REV1: variants seen among roughly 807,000 people sequenced by gnomAD.
REV1 encodes the protein REV1 DNA directed polymerase.
In REV1, 42 loss-of-function variants were observed where a neutral mutation model predicts 137.4. The ratio of observed to expected loss-of-function variants is 0.31; its 90% CI spans 0.24 to 0.40. The LOEUF is 0.40. REV1 is among the 10% of genes least tolerant of loss of function. REV1 has a pLI of 1.00. For missense variants in REV1, 1,282 were observed against 1,490.1 expected, an observed-to-expected ratio of 0.86 and a Z score of 2.30; for synonymous variants, 524 against 519.2, an observed-to-expected ratio of 1.01 and a Z score of -0.12.
At chr2:99,478,165 G>A (rs1291663406) in intron 1 of REV1, among the ~76,000 whole-genome samples, 1 of 152,130 alleles carries the variant, frequency 6.6e-6, no homozygotes, top group Non-Finnish European at 1.5e-5. Flanking sequence ...AAACCCGGGA[G>A]GCAGAGGTTG....
chr2:99,401,437 C>G, intron 22 of REV1, 85 bp from the exon 23 acceptor site: 3 of 806,812 alleles, frequency 3.7e-6, no homozygotes. Context: ...TAAAAATTGA[C>G]TTTGGCAAAA....
chr2:99,403,657 T>A (rs190317640), intron 19 of REV1, 38 bp downstream of exon 19: 1 of 1,613,834 alleles, frequency 6.2e-7, no homozygotes, highest in East Asian at 2.2e-5. Context: ...CATTACTCTT[T>A]GTCTTCATTT....
intron 7 of REV1, chr2:99,435,594 T>G (rs781214914): frequency 3.4e-6 from 1 of 296,110 alleles, no homozygotes; most frequent in Non-Finnish European, 6.1e-6. Flanking sequence ...CCTGCCTACA[T>G]TAGTCTTCGA....
chr2:99,430,727 T>A (rs574663004), intron 8 of REV1, among the ~76,000 whole-genome samples: 1 of 152,320 alleles, frequency 6.6e-6, no homozygotes, highest in South Asian at 2.1e-4. Flanking sequence ...CTGGAGAGCC[T>A]ACTGGCTGCA....
At chr2:99,467,742 A>G (rs1174725902) in intron 1 of REV1, among the ~76,000 whole-genome samples, 1 of 152,236 alleles carries the variant, frequency 6.6e-6, no homozygotes, top group Non-Finnish European at 1.5e-5. Flanking sequence ...TCAATCTCTG[A>G]AAACAGATTA....
At chr2:99,480,091 G>A (rs1487234893) in intron 1 of REV1, among the ~76,000 whole-genome samples, 3 of 152,164 alleles carry the variant, frequency 2.0e-5, no homozygotes, top group Non-Finnish European at 2.9e-5. Flanking sequence ...GGTTACGGCA[G>A]GAGGACTGCT....
chr2:99,438,955 C>G lies in REV1; in HGVS notation c.859G>C (p.Asp287His). The G allele has an allele frequency of 6.2e-7, 1 of 1,614,234 alleles. No individual in the cohort carries two copies. The highest frequency in any genetic ancestry group is 8.5e-7 in the Non-Finnish European group (1 of 1,180,038). The change falls in exon 6 of 23, where the codon GAT (aspartate) becomes CAT (histidine). Residue 287 changes from aspartate (D) to histidine (H), a missense_variant. Transcript: ENST00000258428. ...QQLQQSTRNT[D>H]ALRNPHRTNS... ...GTTCTGTGTGGATTCCGCAAAGCAT[C>G]TGTGTTTCTGGTGCTTTGCTGCAAC...
chr2:99,420,606 C>T (rs1305053528), intron 11 of REV1, among the ~76,000 whole-genome samples: 1 of 152,210 alleles, frequency 6.6e-6, no homozygotes, highest in Non-Finnish European at 1.5e-5. Context: ...CACGGTGTGC[C>T]CCTCCTCTCG....
rs774734587 is a variant in REV1 at position 99,403,833 on chromosome 2, G to A, written c.3046-18C>T. ...GGGTCCACCTAGTGGAAAAGACGAG[G>A]TCAAAGTCAAACCTGAGCTAATTGT... On this transcript the variant is annotated intron_variant, in intron 18 of 22. Coordinates refer to ENST00000258428, the MANE Select transcript of REV1 (RefSeq NM_016316.4). 1.2e-6 allele frequency: 2 copies of A among 1,613,110 alleles called. No homozygotes were observed. Among genetic ancestry groups the A allele is most frequent in the Admixed American group, 1.7e-5 (1 of 59,882 alleles).
chr2:99,444,417 G>A (rs1184134941), intron 4 of REV1, among the ~76,000 whole-genome samples: 1 of 152,178 alleles, frequency 6.6e-6, no homozygotes, highest in East Asian at 1.9e-4. Context: ...ACAGCATGCT[G>A]GAGTGATGCA....
intron 19 of REV1, 132 bp from the exon 20 acceptor site, chr2:99,403,238 G>A: frequency 1.4e-6 from 1 of 713,600 alleles, no homozygotes; most frequent in Non-Finnish European, 2.3e-6. Context: ...TGCCCCAAGT[G>A]AGAGGCAGTG....
rs371250786 is a variant in REV1 at position 99,411,149 on chromosome 2, G to A, written c.2173-282C>T. Among the ~76,000 whole-genome samples, 7 of 152,114 alleles carry A rather than the reference G, an allele frequency of 4.6e-5. No individual in the cohort carries two copies. In the East Asian group the frequency reaches 1.2e-3, roughly 26 times the overall value. ...CTAAAAATGCAAAAATTAGCCTGGC[G>A]TGGTGGCGGGTGCCTGTAATCGCAG... On this transcript the variant is annotated intron_variant, in intron 13 of 22. Transcript: ENST00000258428.
intron 1 of REV1, among the ~76,000 whole-genome samples, chr2:99,469,631 G>A (rs1352802599): frequency 6.6e-6 from 1 of 152,018 alleles, no homozygotes; most frequent in Non-Finnish European, 1.5e-5. Context: ...CTCTCAATAG[G>A]GATGTTCAAA....
intron 3 of REV1, among the ~76,000 whole-genome samples, chr2:99,456,197 G>C: frequency 6.6e-6 from 1 of 152,144 alleles, no homozygotes; most frequent in Non-Finnish European, 1.5e-5. Context: ...ACATTCTGAT[G>C]TACAAATACA....
intron 11 of REV1, among the ~76,000 whole-genome samples, chr2:99,419,667 G>C (rs552443680): frequency 6.6e-6 from 1 of 152,304 alleles, no homozygotes; most frequent in Middle Eastern, 3.4e-3. Flanking sequence ...AGCAGCAGTG[G>C]GAACTGAGGG....
chr2:99,438,984 T>C lies in REV1; in HGVS notation c.830A>G (p.Gln277Arg), dbSNP rs972177274. The change falls in exon 6 of 23, where the codon CAG becomes CGG. Residue 277 changes from glutamine to arginine, a missense_variant. By Grantham distance (43) the Gln-to-Arg change is conservative. Around this residue, in one of 7 missense-constraint regions of REV1, gnomAD observed 432 missense variants for 438.0 expected, o/e 0.99. Transcript: ENST00000258428. ...SSTDFRDCTLQQLQQSTRNTD... is the reference protein window; with the variant it reads ...SSTDFRDCTLRQLQQSTRNTD... ...GTTTCTGGTGCTTTGCTGCAACTGCTGCAGAGTGCAGTCTCTGAAATCAGT... is the reference window on the plus strand; with the variant it reads ...GTTTCTGGTGCTTTGCTGCAACTGCCGCAGAGTGCAGTCTCTGAAATCAGT... 1.2e-6 allele frequency: 2 copies of C among 1,614,222 alleles called. No individual in the cohort carries two copies. Among genetic ancestry groups the C allele is most frequent in the African/African-American group, 2.7e-5 (2 of 75,054 alleles).
chr2:99,471,907 A>C (rs1439739909), intron 1 of REV1, among the ~76,000 whole-genome samples: 2 of 151,634 alleles, frequency 1.3e-5, no homozygotes, highest in Admixed American at 6.6e-5. Context: ...AAAAAAAAAA[A>C]AAAACAAGTG....
At chr2:99,441,626 T>C (rs1402761801) in intron 5 of REV1, among the ~76,000 whole-genome samples, 2 of 152,212 alleles carry the variant, frequency 1.3e-5, no homozygotes, top group African/African-American at 4.8e-5. Flanking sequence ...TTTCATTGTC[T>C]TTCTATGCAT....
chr2:99,402,236 A>G lies in REV1; in HGVS notation c.3644+8T>C, dbSNP rs2104318937. 1 of 1,144,008 alleles carries G rather than the reference A, an allele frequency of 8.7e-7. No individual in the cohort carries two copies. The allele number at this position is 1,144,008 out of a possible 1,614,324, so 70.9% of individuals were successfully genotyped here. On this transcript the variant is annotated splice_region_variant and intron_variant, in intron 22 of 22. Transcript: ENST00000258428. ...TTTTCCCATTTGATAAAAGTGATGA[A>G]TTACTACCTTTTCATGTATTTTATA...
Sources: gnomAD v4.1 joint callset for allele counts (sites outside exome capture counted in the v4.1 genomes callset) on GRCh38, gnomAD v4.1.1 for gene constraint, gnomAD v4.1.1 regional missense constraint, MANE v1.5 for transcripts, NCBI Gene and HGNC (gene_info 2026-07-23, HGNC 2026-07-21) for gene names.